Variants in LRRC8D observed in about 807,000 individuals in gnomAD.
LRRC8D encodes leucine rich repeat containing 8 VRAC subunit D.
LRRC8D carries 20 observed loss-of-function variants against 55.8 expected under a neutral mutation model. The observed-to-expected ratio is 0.36, with a 90% CI of 0.25 to 0.52. The LOEUF is 0.52. Ranked by LOEUF, LRRC8D falls within the 20% of genes least tolerant of loss-of-function variation. The probability of loss-of-function intolerance (pLI) is 0.93; values close to 1 mark genes in which losing one functional copy is unlikely to be tolerated. For missense variants in LRRC8D, 651 were observed against 1,030.8 expected (o/e 0.63, Z 5.05); for synonymous variants, 352 against 377.0 (o/e 0.93, Z 0.77).
At chr1:89,926,554 C>G (rs1663570629) in intron 2 of LRRC8D, among the ~76,000 whole-genome samples, 1 of 152,188 alleles carries the variant, frequency 6.6e-6, no homozygotes, top group East Asian at 1.9e-4. Flanking sequence ...CCTTCAATAG[C>G]CAACCCTTAG....
At chr1:89,864,570 C>T (rs868162251) in intron 2 of LRRC8D, among the ~76,000 whole-genome samples, 7 of 152,186 alleles carry the variant, frequency 4.6e-5, no homozygotes, top group Middle Eastern at 3.4e-3. Flanking sequence ...GCTCCAGTTG[C>T]GGCCTCCATC....
intron 2 of LRRC8D, among the ~76,000 whole-genome samples, chr1:89,930,415 A>G (rs1663675006): frequency 6.6e-6 from 1 of 151,956 alleles, no homozygotes; most frequent in South Asian, 2.1e-4. Flanking sequence ...GCTGGTCTCA[A>G]ACTCCGCCTC....
At chr1:89,874,600 C>A (rs1263143773) in intron 2 of LRRC8D, among the ~76,000 whole-genome samples, 2 of 152,008 alleles carry the variant, frequency 1.3e-5, no homozygotes, top group Non-Finnish European at 2.9e-5. Flanking sequence ...AGGATAGGGT[C>A]CACATGTTGC....
In LRRC8D at chr1:89,843,684, G is replaced by A. The variant is rs1172660097; in HGVS notation, c.-101G>A. On this transcript the variant is annotated 5_prime_UTR_variant, in exon 2 of 3. Coordinates refer to ENST00000337338, the MANE Select transcript of LRRC8D (RefSeq NM_001134479.2). ...CGTGCTGCCGGGTCTCAGGATGGAG[G>A]AGTGAAGTCTCCTGTCGCCGTGGTT... 2.4e-5 allele frequency: 17 copies of A among 702,304 alleles called. No homozygotes were observed. Among genetic ancestry groups the A allele is most frequent in the East Asian group, 1.1e-4 (4 of 37,274 alleles). The allele number at this position is 702,304 out of a possible 1,614,324, so 43.5% of individuals were successfully genotyped here.
chr1:89,870,279 A>G (rs1570840982), intron 2 of LRRC8D, among the ~76,000 whole-genome samples: 2 of 151,912 alleles, frequency 1.3e-5, no homozygotes, highest in Admixed American at 6.6e-5. Flanking sequence ...GATAGAGACC[A>G]TCCTGGCTAA....
intron 2 of LRRC8D, among the ~76,000 whole-genome samples, chr1:89,870,337 G>C (rs58563627): frequency 6.6e-6 from 1 of 150,864 alleles, no homozygotes; most frequent in African/African-American, 2.4e-5. Flanking sequence ...TTAGCTAGAC[G>C]TGGTGGCACG....
rs544144946 is a variant in LRRC8D, at chr1:89,896,331, G to A, written c.-2-36736G>A. On this transcript the variant is annotated intron_variant, in intron 2 of 2. Transcript: ENST00000337338. ...GGTTCTGGAGGAGCCCTTAGAGATCGTGTCGTCTGACATCATCATTGCACA... is the reference window on the plus strand; with the variant it reads ...GGTTCTGGAGGAGCCCTTAGAGATCATGTCGTCTGACATCATCATTGCACA... 5.9e-5 allele frequency among the ~76,000 whole-genome samples: 9 copies of A among 152,248 alleles called. 1 individual carries two copies. The highest frequency in any genetic ancestry group is 1.9e-4 in the East Asian group (1 of 5,172).
chr1:89,867,320 G>C (rs1040900878), intron 2 of LRRC8D, among the ~76,000 whole-genome samples: 1 of 152,124 alleles, frequency 6.6e-6, no homozygotes, highest in South Asian at 2.1e-4. Context: ...TTAAGGTTCA[G>C]CTACACTGCA....
In LRRC8D at chr1:89,832,602, G is replaced by A. The variant is rs146732610; in HGVS notation, c.-147-11036G>A. ...ATGGAAACCATTTGTAGTATTGAGAGAATGGGTTCAGGTTTTCTTGCACTG... is the reference window on the plus strand; with the variant it reads ...ATGGAAACCATTTGTAGTATTGAGAAAATGGGTTCAGGTTTTCTTGCACTG... On this transcript the variant is annotated intron_variant, in intron 1 of 2. Transcript: ENST00000337338. Among the ~76,000 whole-genome samples the A allele has an allele frequency of 2.6e-5, 4 of 152,254 alleles. No individual in the cohort carries two copies. In the East Asian group the frequency reaches 7.7e-4, roughly 29 times the overall value.
intron 2 of LRRC8D, among the ~76,000 whole-genome samples, chr1:89,850,431 C>G (rs543828681): frequency 1.3e-5 from 2 of 152,298 alleles, no homozygotes; most frequent in Admixed American, 1.3e-4. Flanking sequence ...TCCTTCTCCA[C>G]TTTTCAAAAG....
At chr1:89,884,263 A>AGG (rs754930882) in intron 2 of LRRC8D, among the ~76,000 whole-genome samples, 68 of 152,324 alleles carry the variant, frequency 4.5e-4, no homozygotes, top group Non-Finnish European at 6.6e-4. Flanking sequence ...AGTAAGCCTT[A>AGG]GGGTGGGCTG....
At position 89,911,142 on chromosome 1, in the gene LRRC8D, A is replaced by G. The variant is rs1374949718; in HGVS notation, c.-2-21925A>G. Among the ~76,000 whole-genome samples the G allele has an allele frequency of 6.6e-6, 1 of 150,940 alleles. No individual in the cohort carries two copies. The highest frequency in any genetic ancestry group is 2.4e-5 in the African/African-American group (1 of 41,110). Reference sequence around the variant, plus strand: ...CTGCTTGGATTACTTGAATATATACAGAGCTACTCACTCATATGTCCATGC... The same window carrying G: ...CTGCTTGGATTACTTGAATATATACGGAGCTACTCACTCATATGTCCATGC... On this transcript the variant is annotated intron_variant, in intron 2 of 2. Coordinates refer to ENST00000337338, the MANE Select transcript of LRRC8D (RefSeq NM_001134479.2). The surrounding 1 kb of genome is among the most constrained non-coding windows in gnomAD (Gnocchi z 4.0).
rs190464870 is a variant in LRRC8D, at chr1:89,851,802, G to A, written c.-3+8020G>A. 2.6e-3 allele frequency among the ~76,000 whole-genome samples: 393 copies of A among 152,158 alleles called. 2 individuals are homozygous for A. Among genetic ancestry groups the A allele is most frequent in the African/African-American group, 8.8e-3 (365 of 41,506 alleles). On this transcript the variant is annotated intron_variant, in intron 2 of 2. Coordinates refer to ENST00000337338, the MANE Select transcript of LRRC8D (RefSeq NM_001134479.2). ...TAGGATTACAGGCATGAGCCACCGCGACCGGCACCACCTTGGTTTTTAAAA... is the reference window on the plus strand; with the variant it reads ...TAGGATTACAGGCATGAGCCACCGCAACCGGCACCACCTTGGTTTTTAAAA...
chr1:89,899,947 G>T (rs1412218789), intron 2 of LRRC8D, among the ~76,000 whole-genome samples: 1 of 152,186 alleles, frequency 6.6e-6, no homozygotes, highest in Non-Finnish European at 1.5e-5. Flanking sequence ...CCTTCCATGT[G>T]CTGGGTAGTA....
intron 2 of LRRC8D, among the ~76,000 whole-genome samples, chr1:89,850,993 A>C (rs769909415): frequency 1.3e-5 from 2 of 152,018 alleles, no homozygotes; most frequent in Non-Finnish European, 2.9e-5. Flanking sequence ...CGACCTATCT[A>C]GGAATATTGT....
rs554948129 is a variant in LRRC8D at position 89,875,256 on chromosome 1, G to A, written c.-3+31474G>A. Reference sequence around the variant, plus strand: ...TACTAGATTTCAAATTTTAAAATATGCATGGGATTGAAAGTTAGAAGCTCT... The same window carrying A: ...TACTAGATTTCAAATTTTAAAATATACATGGGATTGAAAGTTAGAAGCTCT... On this transcript the variant is annotated intron_variant, in intron 2 of 2. Coordinates refer to ENST00000337338, the MANE Select transcript of LRRC8D (RefSeq NM_001134479.2). 3.9e-5 allele frequency among the ~76,000 whole-genome samples: 6 copies of A among 152,192 alleles called. 1 individual carries two copies. Among genetic ancestry groups the A allele is most frequent in the African/African-American group, 1.4e-4 (6 of 41,534 alleles).
chr1:89,827,656 C>A (rs1660795751), intron 1 of LRRC8D, among the ~76,000 whole-genome samples: 1 of 152,160 alleles, frequency 6.6e-6, no homozygotes, highest in Non-Finnish European at 1.5e-5. Flanking sequence ...CCATAGGCAG[C>A]CTTGATAGTT....
rs79142871 is a variant in LRRC8D at position 89,875,384 on chromosome 1, G to A, written c.-3+31602G>A. ...ATTTTATAGTTTTTGATCATTTGCT[G>A]AATGCCAAGCAGTGTTTTAGAAGCT... On this transcript the variant is annotated intron_variant, in intron 2 of 2. Transcript: ENST00000337338. 0.022 allele frequency among the ~76,000 whole-genome samples: 3,361 copies of A among 152,266 alleles called. 155 individuals carry two copies. The East Asian group carries it at 0.24, about 11-fold the overall frequency.
intron 2 of LRRC8D, among the ~76,000 whole-genome samples, chr1:89,847,042 A>T (rs1661299563): frequency 6.6e-6 from 1 of 152,168 alleles, no homozygotes; most frequent in Non-Finnish European, 1.5e-5. Context: ...ACATTACAGA[A>T]CAACGTGAGC....
Sources: gnomAD v4.1 joint callset for allele counts (sites outside exome capture counted in the v4.1 genomes callset) on GRCh38, gnomAD v4.1.1 for gene constraint, Gnocchi (gnomAD v3.1) non-coding constraint, MANE v1.5 for transcripts, NCBI Gene and HGNC (gene_info 2026-07-23, HGNC 2026-07-21) for gene names.